Variants in LIN7A observed in about 807,000 individuals in gnomAD.
The protein encoded by LIN7A is protein lin-7 homolog A.
A neutral mutation model predicts 29.8 loss-of-function variants in LIN7A; 25 were observed. The observed-to-expected ratio is 0.84, with a 90% CI of 0.61 to 1.17. LIN7A has a LOEUF of 1.17. Among genes scored for constraint, LIN7A ranks in the 50% most tolerant of loss-of-function variants. The probability of loss-of-function intolerance (pLI) is 0.00; values close to 1 mark genes in which losing one functional copy is unlikely to be tolerated. For missense variants in LIN7A, 239 were observed against 287.0 expected (o/e 0.83, Z 1.21); for synonymous variants, 118 against 107.5 (o/e 1.10, Z -0.60).
intron 1 of LIN7A, among the ~76,000 whole-genome samples, chr12:80,926,308 A>T (rs979264663): frequency 6.6e-6 from 1 of 152,214 alleles, no homozygotes; most frequent in African/African-American, 2.4e-5. Context: ...ATTCAAAAAT[A>T]TAATTTTAGC....
intron 1 of LIN7A, among the ~76,000 whole-genome samples, chr12:80,931,573 G>T (rs553516867): frequency 2.0e-5 from 3 of 150,514 alleles, no homozygotes; most frequent in South Asian, 4.2e-4. Context: ...AAAAGGCTGA[G>T]GTTGCAGTGA....
rs1272296301 is a variant in LIN7A, at chr12:80,796,780, G to A, written c.*947C>T. 2 of 152,110 alleles carry A rather than the reference G, an allele frequency of 1.3e-5. No homozygotes were observed. The highest frequency in any genetic ancestry group is 4.1e-4 in the South Asian group (2 of 4,828). 9.4% of individuals were successfully genotyped at this position (152,110 alleles called of 1,614,324 possible). A position where few individuals can be genotyped will look rare whatever the true frequency, so the allele number is the denominator to read the frequency against. On this transcript the variant is annotated 3_prime_UTR_variant, in exon 6 of 6. Coordinates refer to ENST00000552864, the MANE Select transcript of LIN7A (RefSeq NM_004664.4). ...ATGACAGCACATCAGTGTGAGTAGA[G>A]TTTAGATTTCTTCAGTGTTTATCAA...
intron 2 of LIN7A, among the ~76,000 whole-genome samples, chr12:80,878,967 C>T (rs939063728): frequency 2.6e-5 from 4 of 152,228 alleles, no homozygotes; most frequent in African/African-American, 4.8e-5. Flanking sequence ...AAAAGTCCAG[C>T]TGGCTTCACC....
chr12:80,932,102 AAAAC>A (rs1326032008), intron 1 of LIN7A, among the ~76,000 whole-genome samples: 3 of 152,248 alleles, frequency 2.0e-5, no homozygotes, highest in Admixed American at 1.3e-4. Context: ...AGCTGATTAG[AAAAC>A]CTATAGGCTT....
At chr12:80,932,632 C>T (rs1877977060) in intron 1 of LIN7A, among the ~76,000 whole-genome samples, 1 of 152,128 alleles carries the variant, frequency 6.6e-6, no homozygotes, top group African/African-American at 2.4e-5. Flanking sequence ...CCTTCATAAG[C>T]CATGAGTATT....
intron 4 of LIN7A, among the ~76,000 whole-genome samples, chr12:80,834,218 G>A (rs1262727524): frequency 6.6e-6 from 1 of 152,172 alleles, no homozygotes; most frequent in African/African-American, 2.4e-5. Context: ...AGTGCTGGGT[G>A]ATAAGATAGG....
At chr12:80,935,895 C>A (rs1289730234) in intron 1 of LIN7A, 1 of 381,648 alleles carries the variant, frequency 2.6e-6, no homozygotes, top group Non-Finnish European at 6.0e-6. Context: ...ACTGAGGCAT[C>A]TAAGGGCTAA....
rs1172007983 is a variant in LIN7A at position 80,797,020 on chromosome 12, T to A, written c.*707A>T. The A allele has an allele frequency of 6.6e-6, 1 of 152,096 alleles. No individual in the cohort carries two copies. The highest frequency in any genetic ancestry group is 1.5e-5 in the Non-Finnish European group (1 of 68,022). 9.4% of individuals were successfully genotyped at this position (152,096 alleles called of 1,614,324 possible). On this transcript the variant is annotated 3_prime_UTR_variant, in exon 6 of 6. Transcript: ENST00000552864. Reference sequence around the variant, plus strand: ...CTCTGTTGGAATTAATAATAATAGATACAAGCAATAATTAAAAACTACAGT... The same window carrying A: ...CTCTGTTGGAATTAATAATAATAGAAACAAGCAATAATTAAAAACTACAGT...
intron 1 of LIN7A, among the ~76,000 whole-genome samples, chr12:80,899,527 T>C (rs1385687517): frequency 6.6e-6 from 1 of 152,086 alleles, no homozygotes; most frequent in African/African-American, 2.4e-5. Context: ...TCCCTCCTTT[T>C]CAATTTTTTT....
intron 2 of LIN7A, among the ~76,000 whole-genome samples, chr12:80,884,223 T>C (rs905828853): frequency 6.6e-6 from 1 of 152,206 alleles, no homozygotes; most frequent in Non-Finnish European, 1.5e-5. Flanking sequence ...TTTTAAAACA[T>C]TTTGTTTTAC....
At chr12:80,873,659 T>C (rs1477697131) in intron 2 of LIN7A, among the ~76,000 whole-genome samples, 1 of 152,198 alleles carries the variant, frequency 6.6e-6, no homozygotes. Flanking sequence ...TTTTGTTGGC[T>C]ATCTAGACCT....
chr12:80,912,968 T>C (rs1356862697), intron 1 of LIN7A, among the ~76,000 whole-genome samples: 1 of 152,208 alleles, frequency 6.6e-6, no homozygotes, highest in African/African-American at 2.4e-5. Context: ...CAGAATTTAT[T>C]GTTTTTATTT....
rs1555228957 is a variant in LIN7A at position 80,907,055 on chromosome 12, C to CTCTGTGTGTGTG, written c.83-17687_83-17686insCACACACACAGA. 6.8e-4 allele frequency among the ~76,000 whole-genome samples: 99 copies of CTCTGTGTGTGTG among 145,384 alleles called. No individual in the cohort carries two copies. The East Asian group carries it at 0.012, about 18-fold the overall frequency. ...TAGAACATACCTCAGAGTGCGTGCT[C>CTCTGTGTGTGTG]TGTGTGTGTGTGTGTGTGTGTGTGT... is the stretch of plus-strand genomic sequence containing the variant. On this transcript the variant is annotated intron_variant, in intron 1 of 5. Coordinates refer to ENST00000552864, the MANE Select transcript of LIN7A (RefSeq NM_004664.4).
At chr12:80,870,861 A>G (rs761642726) in intron 2 of LIN7A, among the ~76,000 whole-genome samples, 9 of 152,220 alleles carry the variant, frequency 5.9e-5, no homozygotes, top group Non-Finnish European at 1.2e-4. Flanking sequence ...GCACATTCAC[A>G]TTCACAAATT....
At chr12:80,925,355 T>G (rs1303519188) in intron 1 of LIN7A, among the ~76,000 whole-genome samples, 1 of 152,226 alleles carries the variant, frequency 6.6e-6, no homozygotes, top group African/African-American at 2.4e-5. Flanking sequence ...TATCTCCAAG[T>G]GCTTCCTGCT....
rs1271457640 is a variant in LIN7A at position 80,841,843 on chromosome 12, G to A, written c.483+3887C>T. The A allele has an allele frequency of 1.1e-4, 105 of 963,832 alleles. 1 individual carries two copies. The highest frequency in any genetic ancestry group is 1.3e-4 in the Non-Finnish European group (104 of 799,502). 59.7% of individuals were successfully genotyped at this position (963,832 alleles called of 1,614,324 possible). A position where few individuals can be genotyped will look rare whatever the true frequency, so the allele number is the denominator to read the frequency against. On this transcript the variant is annotated intron_variant, in intron 4 of 5. Transcript: ENST00000552864. ...CACTTGAGCATAAAAGGGTGAAAAG[G>A]AGATCATTAGAAAGCTATAAATTCT...
At chr12:80,890,275 C>T (rs1024506460) in intron 1 of LIN7A, among the ~76,000 whole-genome samples, 5 of 152,086 alleles carry the variant, frequency 3.3e-5, no homozygotes, top group Non-Finnish European at 5.9e-5. Context: ...CTTGTCACTA[C>T]AGTAAATAAC....
intron 2 of LIN7A, among the ~76,000 whole-genome samples, chr12:80,880,832 G>C (rs1451537342): frequency 1.3e-5 from 2 of 151,806 alleles, no homozygotes; most frequent in African/African-American, 4.8e-5. Flanking sequence ...ATAAAAATCA[G>C]AGTTTTACTG....
intron 2 of LIN7A, among the ~76,000 whole-genome samples, chr12:80,875,562 G>A (rs1874643547): frequency 6.6e-6 from 1 of 152,192 alleles, no homozygotes; most frequent in South Asian, 2.1e-4. Context: ...CCATTTTAAT[G>A]TAAGATGTTA....
Sources: allele counts gnomAD v4.1 joint callset (sites outside exome capture counted in the v4.1 genomes callset), GRCh38; gene constraint gnomAD v4.1.1; transcripts MANE v1.5; gene names NCBI Gene and HGNC (gene_info 2026-07-23, HGNC 2026-07-21).